Variants in EFCAB5 observed in about 807,000 individuals in gnomAD.
EFCAB5 encodes the protein EF-hand calcium binding domain 5.
Under a neutral mutation model 167.9 loss-of-function variants are expected in EFCAB5, and 131 were observed. The observed-to-expected ratio is 0.78, with a 90% CI of 0.68 to 0.90. EFCAB5 has a LOEUF of 0.90. Ranked by LOEUF, EFCAB5 falls within the 40% of genes least tolerant of loss-of-function variation. EFCAB5 has a pLI of 0.00. For missense variants in EFCAB5, 1,663 were observed against 1,745.2 expected, an observed-to-expected ratio of 0.95 and a Z score of 0.84; for synonymous variants, 574 against 602.8, an observed-to-expected ratio of 0.95 and a Z score of 0.70.
At chr17:30,044,312 T>C (rs940741169) in intron 8 of EFCAB5, among the ~76,000 whole-genome samples, 1 of 152,222 alleles carries the variant, frequency 6.6e-6, no homozygotes, top group Non-Finnish European at 1.5e-5. Context: ...GTACAGTGGC[T>C]CAAGCCTGTA....
At chr17:29,981,823 AT>A (rs1184576243) in intron 4 of EFCAB5, among the ~76,000 whole-genome samples, 1 of 152,218 alleles carries the variant, frequency 6.6e-6, no homozygotes, top group African/African-American at 2.4e-5. Context: ...GAGTAATTGA[AT>A]TTTTAACTTT....
At chr17:30,049,522 G>T (rs1385778613) in intron 8 of EFCAB5, among the ~76,000 whole-genome samples, 1 of 150,876 alleles carries the variant, frequency 6.6e-6, no homozygotes, top group Non-Finnish European at 1.5e-5. Context: ...AAAAACAAAA[G>T]AAATAGGCAA....
chr17:30,083,692 G>A (rs976509324), intron 18 of EFCAB5, among the ~76,000 whole-genome samples: 1 of 152,124 alleles, frequency 6.6e-6, no homozygotes, highest in Non-Finnish European at 1.5e-5. Flanking sequence ...GACCTCAGAT[G>A]ATCCAGCCAC....
intron 7 of EFCAB5, among the ~76,000 whole-genome samples, chr17:30,025,371 C>T (rs1000670560): frequency 2.2e-4 from 33 of 152,274 alleles, no homozygotes; most frequent in Non-Finnish European, 3.4e-4. Context: ...TATGAACAGA[C>T]ACTTCTCAAA....
At chr17:29,987,473 C>T (rs908844546) in intron 4 of EFCAB5, among the ~76,000 whole-genome samples, 6 of 152,164 alleles carry the variant, frequency 3.9e-5, no homozygotes, top group Non-Finnish European at 7.4e-5. Flanking sequence ...CAGATCTCTC[C>T]ACCAAACCAG....
At chr17:30,030,209 C>T (rs1256503183) in intron 7 of EFCAB5, among the ~76,000 whole-genome samples, 4 of 152,262 alleles carry the variant, frequency 2.6e-5, no homozygotes, top group Non-Finnish European at 5.9e-5. Flanking sequence ...GCCAGCTAGC[C>T]TAAACTTACA....
At chr17:29,930,257 G>C (rs538052077) in intron 1 of EFCAB5, 362 of 509,768 alleles carry the variant, frequency 7.1e-4, no homozygotes, top group Non-Finnish European at 1.0e-3. Context: ...GGCGCCACCT[G>C]TCAGCTACCG....
At chr17:29,971,931 A>G (rs1158611649) in intron 4 of EFCAB5, among the ~76,000 whole-genome samples, 3 of 152,106 alleles carry the variant, frequency 2.0e-5, no homozygotes, top group Non-Finnish European at 2.9e-5. Flanking sequence ...ATTTTAATAT[A>G]TATTCAATAT....
At chr17:29,994,855 A>T (rs778497448) in intron 5 of EFCAB5, among the ~76,000 whole-genome samples, 4 of 152,244 alleles carry the variant, frequency 2.6e-5, no homozygotes, top group Admixed American at 6.5e-5. Context: ...TGATGATACC[A>T]GCCATTTAGT....
At chr17:29,977,962 G>A (rs2068094012) in intron 4 of EFCAB5, among the ~76,000 whole-genome samples, 2 of 152,102 alleles carry the variant, frequency 1.3e-5, no homozygotes, top group South Asian at 2.1e-4. Context: ...CTGCTTCAAA[G>A]TACTTTTTGT....
intron 8 of EFCAB5, among the ~76,000 whole-genome samples, chr17:30,035,080 G>T (rs1175007823): frequency 1.3e-5 from 2 of 152,150 alleles, no homozygotes; most frequent in Non-Finnish European, 2.9e-5. Flanking sequence ...ATTCTTAAAA[G>T]AACCGATATA....
At chr17:29,954,584 T>C (rs2067575827) in intron 3 of EFCAB5, among the ~76,000 whole-genome samples, 1 of 152,136 alleles carries the variant, frequency 6.6e-6, no homozygotes, top group African/African-American at 2.4e-5. Context: ...CAGGGAGAAG[T>C]TTGCTGCAGG....
chr17:30,019,223 T>C (rs2069116795), intron 7 of EFCAB5, among the ~76,000 whole-genome samples: 2 of 152,152 alleles, frequency 1.3e-5, no homozygotes, highest in Admixed American at 1.3e-4. Context: ...AATAAATATG[T>C]TTGCTCTTAT....
At chr17:30,066,917 G>T (rs1597754665) in intron 14 of EFCAB5, among the ~76,000 whole-genome samples, 1 of 152,052 alleles carries the variant, frequency 6.6e-6, no homozygotes, top group African/African-American at 2.4e-5. Context: ...TAGCAGAAAT[G>T]GATAAATTCC....
chr17:30,068,258 C>T (rs2070631108), intron 14 of EFCAB5, among the ~76,000 whole-genome samples: 1 of 151,406 alleles, frequency 6.6e-6, no homozygotes, highest in Non-Finnish European at 1.5e-5. Flanking sequence ...GCTGAGATGG[C>T]GCCACTGCAC....
At chr17:30,067,035 A>T (rs915206584) in intron 14 of EFCAB5, among the ~76,000 whole-genome samples, 1 of 152,224 alleles carries the variant, frequency 6.6e-6, no homozygotes, top group African/African-American at 2.4e-5. Flanking sequence ...CTCATCAAAG[A>T]AAAGCCCAGG....
Position 29,942,294 on chromosome 17 carries a change from C to T in EFCAB5, c.97C>T (p.Leu33Phe). The T allele has an allele frequency of 6.3e-7, 1 of 1,587,766 alleles. No homozygotes were observed. The highest frequency in any genetic ancestry group is 1.3e-5 in the African/African-American group (1 of 74,416). The change falls in exon 2 of 23, where the codon CTT becomes TTT. Residue 33 changes from leucine to phenylalanine, a missense_variant. By Grantham distance (22) the Leu-to-Phe change is conservative. Coordinates refer to ENST00000394835, the MANE Select transcript of EFCAB5 (RefSeq NM_198529.4). ...ATGGAACTTAACTGAAGTGAAAGAG[C>T]TTCATGAGGTAGAGTTGGCATGAAT... ...RKWNLTEVKE[L>F]HETLQSVPDV...
chr17:29,943,492 T>C (rs892269026), intron 2 of EFCAB5, 73 bp from the exon 3 acceptor site: 1 of 1,313,790 alleles, frequency 7.6e-7, no homozygotes, highest in African/African-American at 1.5e-5. Context: ...TTTCCTTTAA[T>C]TGGAATAATT....
intron 8 of EFCAB5, among the ~76,000 whole-genome samples, chr17:30,049,638 TA>T (rs2070030118): frequency 1.3e-5 from 2 of 152,198 alleles, no homozygotes; most frequent in African/African-American, 4.8e-5. Context: ...ATCTCACTAG[TA>T]ATCAGGGAAA....
Sources: allele counts gnomAD v4.1 joint callset (sites outside exome capture counted in the v4.1 genomes callset), GRCh38; gene constraint gnomAD v4.1.1; transcripts MANE v1.5; gene names NCBI Gene and HGNC (gene_info 2026-07-23, HGNC 2026-07-21).